The following NKD1 variants were observed in gnomAD, a reference collection of about 807,000 sequenced individuals.
NKD1 encodes protein naked cuticle homolog 1.
In NKD1, 21 loss-of-function variants were observed where a neutral mutation model predicts 56.0. The ratio of observed to expected loss-of-function variants is 0.38; its 90% CI spans 0.27 to 0.54. The LOEUF is 0.54. Ranked by LOEUF, NKD1 falls within the 20% of genes least tolerant of loss-of-function variation. The pLI is 0.82. For synonymous variants in NKD1, 263 were observed against 265.7 expected (o/e 0.99, Z 0.10); for missense variants, 578 against 642.7 (o/e 0.90, Z 1.09).
intron 4 of NKD1, chr16:50,616,154 T>C (rs1961955708): frequency 2.3e-6 from 1 of 442,782 alleles, no homozygotes; most frequent in South Asian, 1.6e-5. Flanking sequence ...GGACTGTGGA[T>C]ATGTCAGGGC....
At position 50,621,688 on chromosome 16, in the gene NKD1, A is replaced by G; in HGVS notation, c.346A>G (p.Lys116Glu). Residue 116 changes from lysine to glutamate, a missense_variant, in exon 5 of 10, where the codon AAG (lysine) becomes GAG (glutamate). By Grantham distance (56) the Lys-to-Glu change is moderately conservative. Transcript: ENST00000268459. Reference sequence around the variant, plus strand: ...AGTGAGCGAACCCTGCCCAGGCTCCAAGAAGCAGCTGAAGTTTGAAGTAAG... The same window carrying G: ...AGTGAGCGAACCCTGCCCAGGCTCCGAGAAGCAGCTGAAGTTTGAAGTAAG... Reference protein sequence around the residue: ...ERVSEPCPGSKKQLKFEELQC... With the variant: ...ERVSEPCPGSEKQLKFEELQC... 3 of 1,613,834 alleles carry G rather than the reference A, an allele frequency of 1.9e-6. No homozygotes were observed. Among genetic ancestry groups the G allele is most frequent in the Non-Finnish European group, 2.5e-6 (3 of 1,179,814 alleles).
chr16:50,607,309 GA>G (rs1327045560), intron 3 of NKD1: 1 of 217,748 alleles, frequency 4.6e-6, no homozygotes. Flanking sequence ...TCATCAAGAA[GA>G]GGACTGGTTT....
In NKD1 at chr16:50,550,354, A is replaced by ATT. The variant is rs34062153; in HGVS notation, c.192+815_192+816dup. ...AATCAACTTTTTGATGTGACATTTA[A>ATT]TTTTTTTTTTTTTTTTTAACTTAGA... On this transcript the variant is annotated intron_variant, in intron 3 of 9. Transcript: ENST00000268459. 2.3e-4 allele frequency among the ~76,000 whole-genome samples: 33 copies of ATT among 143,562 alleles called. No homozygotes were observed. In the East Asian group the frequency reaches 4.5e-3, roughly 19 times the overall value. The allele number at this position is 143,562 out of a possible 152,430, so 94.2% of individuals were successfully genotyped here. A position where few individuals can be genotyped will look rare whatever the true frequency, so the allele number is the denominator to read the frequency against.
chr16:50,626,468 C>A (rs867963449), intron 6 of NKD1, among the ~76,000 whole-genome samples: 1 of 152,094 alleles, frequency 6.6e-6, no homozygotes, highest in Admixed American at 6.5e-5. Context: ...CTGAAGGAGG[C>A]GGCAAGGGAG....
chr16:50,611,424 G>C (rs532676050), intron 4 of NKD1, among the ~76,000 whole-genome samples: 2 of 148,230 alleles, frequency 1.3e-5, no homozygotes, highest in Admixed American at 6.6e-5. Context: ...CCTCCTCCTC[G>C]GGACCAGGCC....
At chr16:50,548,612 C>CCCG in intron 1 of NKD1, 34 bp downstream of exon 1, 1 of 1,447,784 alleles carries the variant, frequency 6.9e-7, no homozygotes, top group African/African-American at 1.5e-5. Context: ...CGCCCCGGGC[C>CCCG]CCGCCGCCGT....
At chr16:50,628,006 G>A (rs1962260966) in intron 6 of NKD1, among the ~76,000 whole-genome samples, 1 of 152,146 alleles carries the variant, frequency 6.6e-6, no homozygotes, top group Non-Finnish European at 1.5e-5. Flanking sequence ...GGGAAGAAAA[G>A]GAGGCACAAG....
At chr16:50,597,041 G>A in intron 3 of NKD1, among the ~76,000 whole-genome samples, 1 of 152,136 alleles carries the variant, frequency 6.6e-6, no homozygotes, top group East Asian at 1.9e-4. Flanking sequence ...ATTGGGTGGG[G>A]CTTTGATGGG....
At chr16:50,610,723 T>C (rs1259741430) in intron 4 of NKD1, among the ~76,000 whole-genome samples, 1 of 152,208 alleles carries the variant, frequency 6.6e-6, no homozygotes, top group African/African-American at 2.4e-5. Flanking sequence ...AGAGGATGGC[T>C]TTAGCTCCCG....
chr16:50,593,616 G>A (rs764914523), intron 3 of NKD1, among the ~76,000 whole-genome samples: 1 of 152,034 alleles, frequency 6.6e-6, no homozygotes, highest in African/African-American at 2.4e-5. Context: ...TACTGGGCAG[G>A]CCTGGGTCAT....
At chr16:50,578,166 C>G (rs980273940) in intron 3 of NKD1, among the ~76,000 whole-genome samples, 6 of 152,154 alleles carry the variant, frequency 3.9e-5, no homozygotes, top group African/African-American at 1.4e-4. Context: ...CCTCTGAGTT[C>G]TCTGCTTCTA....
At chr16:50,590,990 A>AT (rs796383252) in intron 3 of NKD1, among the ~76,000 whole-genome samples, 1,628 of 145,568 alleles carry the variant, frequency 0.011, 19 homozygotes, top group African/African-American at 0.035. Context: ...ATGCCCAGCT[A>AT]TTTTTTTTTT....
chr16:50,574,347 C>G (rs1298510830), intron 3 of NKD1: 12 of 985,316 alleles, frequency 1.2e-5, no homozygotes, highest in Non-Finnish European at 1.4e-5. Context: ...CCTGGGAGGG[C>G]CTGTTTAGTT....
chr16:50,618,754 C>G (rs748773316), intron 4 of NKD1, among the ~76,000 whole-genome samples: 2 of 152,168 alleles, frequency 1.3e-5, no homozygotes, highest in Admixed American at 1.3e-4. Flanking sequence ...CACTGACCGT[C>G]GGCTGACCTG....
intron 3 of NKD1, among the ~76,000 whole-genome samples, chr16:50,567,785 G>A (rs1006364223): frequency 6.6e-6 from 1 of 152,166 alleles, no homozygotes; most frequent in Non-Finnish European, 1.5e-5. Flanking sequence ...CTGGTGCTTT[G>A]CTTTGAGTAT....
Position 50,608,449 on chromosome 16 carries a change from A to G in NKD1, c.259+89A>G, listed in dbSNP as rs951119994. On this transcript the variant is annotated intron_variant, in intron 4 of 9. Transcript: ENST00000268459. ...CCGTGTGCCCTGTGTACTCCAGAAA[A>G]TCTGCAGATGGAGGGCACAACAGGG... The G allele has an allele frequency of 1.8e-4, 164 of 888,934 alleles. No homozygotes were observed. The East Asian group carries it at 2.7e-3, about 14-fold the overall frequency. The allele number at this position is 888,934 out of a possible 1,614,324, so 55.1% of individuals were successfully genotyped here.
At chr16:50,577,082 T>C (rs551902947) in intron 3 of NKD1, among the ~76,000 whole-genome samples, 2 of 152,314 alleles carry the variant, frequency 1.3e-5, no homozygotes, top group African/African-American at 4.8e-5. Context: ...TTTTACACCA[T>C]TCAGAGCAGG....
chr16:50,569,815 G>T (rs1402641005), intron 3 of NKD1, among the ~76,000 whole-genome samples: 1 of 152,194 alleles, frequency 6.6e-6, no homozygotes, highest in African/African-American at 2.4e-5. Flanking sequence ...GGAGGTCCAA[G>T]AACTTATTAA....
At chr16:50,571,015 C>A (rs933567) in intron 3 of NKD1, 51,176 of 984,552 alleles carry the variant, frequency 0.052, 2,461 homozygotes, top group African/African-American at 0.24. Context: ...TGGGTGTGCA[C>A]CTGTCCCGCT....
Sources: gnomAD v4.1 joint callset for allele counts (sites outside exome capture counted in the v4.1 genomes callset) on GRCh38, gnomAD v4.1.1 for gene constraint, MANE v1.5 for transcripts, NCBI Gene and HGNC (gene_info 2026-07-23, HGNC 2026-07-21) for gene names.